The following ZMIZ1 variants were observed in gnomAD, a reference collection of about 807,000 sequenced individuals.
The protein encoded by ZMIZ1 is zinc finger MIZ-type containing 1.
In ZMIZ1, 17 loss-of-function variants were observed where a neutral mutation model predicts 113.9. That is an observed-to-expected ratio of 0.15 (90% CI 0.10 to 0.22). ZMIZ1 has a LOEUF of 0.22. Ranked by LOEUF, ZMIZ1 falls within the 10% of genes least tolerant of loss-of-function variation. The pLI is 1.00. For synonymous variants in ZMIZ1, 607 were observed against 603.1 expected (o/e 1.01, Z -0.09); for missense variants, 1,059 against 1,477.8 (o/e 0.72, Z 4.65).
At chr10:79,227,342 G>C (rs940790914) in intron 7 of ZMIZ1, among the ~76,000 whole-genome samples, 3 of 152,322 alleles carry the variant, frequency 2.0e-5, no homozygotes, top group African/African-American at 7.2e-5. Flanking sequence ...ATAGCAGAGA[G>C]CCTGGGTCAG....
At chr10:79,120,521 G>A (rs1844245210) in intron 2 of ZMIZ1, among the ~76,000 whole-genome samples, 1 of 152,222 alleles carries the variant, frequency 6.6e-6, no homozygotes, top group Non-Finnish European at 1.5e-5. Flanking sequence ...TTGTGTGTAT[G>A]TTGGGGAGGG....
At chr10:79,092,663 T>A (rs1160888108) in intron 1 of ZMIZ1, among the ~76,000 whole-genome samples, 1 of 152,200 alleles carries the variant, frequency 6.6e-6, no homozygotes, top group Non-Finnish European at 1.5e-5. Flanking sequence ...ATTTGACATT[T>A]CTTTGCACTT....
chr10:79,159,475 G>C (rs58124651), intron 3 of ZMIZ1, among the ~76,000 whole-genome samples: 4 of 152,178 alleles, frequency 2.6e-5, no homozygotes, highest in Admixed American at 2.0e-4. Flanking sequence ...CAGGCTCTCC[G>C]GCTGGTTGCC....
At chr10:79,293,320 G>T in intron 11 of ZMIZ1, 61 bp from the exon 12 acceptor site, 124 of 1,247,922 alleles carry the variant, frequency 9.9e-5, no homozygotes, top group Non-Finnish European at 1.3e-4. Flanking sequence ...CACTTTCAAT[G>T]CATGTGGCAT....
intron 7 of ZMIZ1, among the ~76,000 whole-genome samples, chr10:79,219,923 C>T (rs913440705): frequency 5.3e-5 from 8 of 152,292 alleles, no homozygotes; most frequent in African/African-American, 1.9e-4. Context: ...GGATCCCAGC[C>T]ACCCCCTGCT....
chr10:79,206,020 A>G (rs1848303631), intron 5 of ZMIZ1, among the ~76,000 whole-genome samples: 1 of 151,760 alleles, frequency 6.6e-6, no homozygotes, highest in Admixed American at 6.6e-5. Context: ...AAGTGGGAGG[A>G]TCACTTGAGC....
chr10:79,099,558 C>T (rs948142321), intron 1 of ZMIZ1, among the ~76,000 whole-genome samples: 6 of 152,190 alleles, frequency 3.9e-5, no homozygotes, highest in African/African-American at 1.4e-4. Flanking sequence ...GAGCGGTGGC[C>T]TCTGGGCCCA....
rs1216678468 is a variant in ZMIZ1 at position 79,301,005 on chromosome 10, G to T, written c.2019+63G>T. 1.2e-5 allele frequency: 19 copies of T among 1,584,514 alleles called. No homozygotes were observed. The Admixed American group carries it at 3.2e-4, about 27-fold the overall frequency. On this transcript the variant is annotated intron_variant, in intron 17 of 24. Coordinates refer to ENST00000334512, the MANE Select transcript of ZMIZ1 (RefSeq NM_020338.4). ...AGGCCCTGTTTCACGGCATGAGAGT[G>T]CGGAATACCCTGCCCCACTCTGGTC...
chr10:79,240,401 ACTCGGAACAAGTGGAGAAGGCC>A (rs1425504657), intron 7 of ZMIZ1, among the ~76,000 whole-genome samples: 1 of 152,050 alleles, frequency 6.6e-6, no homozygotes, highest in Non-Finnish European at 1.5e-5. Context: ...TGGAGTTGGA[ACTCGGAACAAGTGGAGAAGGCC>A]CTCTGAAGCA....
intron 7 of ZMIZ1, among the ~76,000 whole-genome samples, chr10:79,269,456 A>ACACACACAC (rs1851803859): frequency 5.8e-5 from 8 of 138,470 alleles, no homozygotes; most frequent in South Asian, 2.5e-4. Context: ...ACCTCCCCCC[A>ACACACACAC]ACACACACAC....
Position 79,293,364 on chromosome 10 carries a change from T to G in ZMIZ1, c.958-17T>G. The G allele has an allele frequency of 3.3e-6, 5 of 1,502,796 alleles. No homozygotes were observed. Among genetic ancestry groups the G allele is most frequent in the Non-Finnish European group, 4.4e-6 (5 of 1,125,186 alleles). The allele number at this position is 1,502,796 out of a possible 1,614,324, so 93.1% of individuals were successfully genotyped here. On this transcript the variant is annotated splice_polypyrimidine_tract_variant and intron_variant, in intron 11 of 24. Coordinates refer to ENST00000334512, the MANE Select transcript of ZMIZ1 (RefSeq NM_020338.4). ...TTTTTTTTTCTTCTCCCGTTGAAGGTCTGTTCCTCTTTCCAGATGGGTCCC... is the reference window on the plus strand; with the variant it reads ...TTTTTTTTTCTTCTCCCGTTGAAGGGCTGTTCCTCTTTCCAGATGGGTCCC...
chr10:79,305,493 G>A (rs1854624786), intron 20 of ZMIZ1, 40 bp from the exon 21 acceptor site: 5 of 1,610,028 alleles, frequency 3.1e-6, no homozygotes, highest in Non-Finnish European at 2.6e-6. Context: ...ACCTCCTTGG[G>A]TCCTGGAGCA....
chr10:79,073,733 G>C (rs1247834367), intron 1 of ZMIZ1, among the ~76,000 whole-genome samples: 1 of 151,898 alleles, frequency 6.6e-6, no homozygotes, highest in African/African-American at 2.4e-5. Context: ...CTGCCTGGGG[G>C]TGCTCACTGT....
chr10:79,270,197 C>A (rs1851865722), intron 7 of ZMIZ1, among the ~76,000 whole-genome samples: 2 of 152,234 alleles, frequency 1.3e-5, no homozygotes, highest in Non-Finnish European at 2.9e-5. Context: ...TTCATTTTTT[C>A]CCCCTAACGG....
At chr10:79,299,318 C>T in intron 16 of ZMIZ1, 127 bp downstream of exon 16, 1 of 1,329,848 alleles carries the variant, frequency 7.5e-7, no homozygotes, top group Non-Finnish European at 1.0e-6. Context: ...ACGTGTTCAG[C>T]ATCATTGACT....
chr10:79,113,851 A>G (rs17557872), intron 1 of ZMIZ1, among the ~76,000 whole-genome samples: 26,452 of 151,944 alleles, frequency 0.17, 2,502 homozygotes, highest in Middle Eastern at 0.29. Context: ...GAGCCCGTTC[A>G]CCTGTGTAGG....
chr10:79,087,607 T>C (rs553893384), intron 1 of ZMIZ1, among the ~76,000 whole-genome samples: 44 of 152,332 alleles, frequency 2.9e-4, no homozygotes, highest in Middle Eastern at 3.4e-3. Context: ...AGTGTGAACC[T>C]GAATAAAAGG....
chr10:79,165,104 T>C (rs951967122), intron 4 of ZMIZ1, among the ~76,000 whole-genome samples: 1 of 152,120 alleles, frequency 6.6e-6, no homozygotes, highest in Non-Finnish European at 1.5e-5. Context: ...AAAGCCCTTG[T>C]CTGGGAGGTG....
chr10:79,251,198 G>A (rs1249846282), intron 7 of ZMIZ1, among the ~76,000 whole-genome samples: 1 of 151,930 alleles, frequency 6.6e-6, no homozygotes, highest in African/African-American at 2.4e-5. Context: ...TGCTCCCTAC[G>A]TCTGTCCCCC....
Sources: allele counts gnomAD v4.1 joint callset (sites outside exome capture counted in the v4.1 genomes callset), GRCh38; gene constraint gnomAD v4.1.1; transcripts MANE v1.5; gene names NCBI Gene and HGNC (gene_info 2026-07-23, HGNC 2026-07-21).